Variants in TMEM63B observed in about 807,000 individuals in gnomAD.
TMEM63B encodes the protein mechanosensitive cation channel TMEM63B.
Under a neutral mutation model 102.6 loss-of-function variants are expected in TMEM63B, and 23 were observed. That is an observed-to-expected ratio of 0.22 (90% CI 0.16 to 0.32). The LOEUF (loss-of-function observed/expected upper bound fraction) is 0.32. Among genes scored for constraint, TMEM63B ranks in the 10% least tolerant of loss-of-function variants. The probability of loss-of-function intolerance (pLI) is 1.00; values close to 1 mark genes in which losing one functional copy is unlikely to be tolerated. For missense variants in TMEM63B, 628 were observed against 1,095.9 expected (o/e 0.57, Z 6.03); for synonymous variants, 444 against 437.0 (o/e 1.02, Z -0.20).
At chr6:44,138,718 CTCTGTGA>C in intron 6 of TMEM63B, 1 of 513,572 alleles carries the variant, frequency 1.9e-6, no homozygotes, top group Non-Finnish European at 3.5e-6. Context: ...CCATAATCTC[CTCTGTGA>C]CCCCCTGCCG....
chr6:44,150,157 G>C lies in TMEM63B; in HGVS notation c.1521-67G>C. On this transcript the variant is annotated intron_variant, in intron 16 of 23. Transcript: ENST00000323267. The surrounding 1 kb of genome is among the most constrained non-coding windows in gnomAD (Gnocchi z 4.7). Reference sequence around the variant, plus strand: ...GGGACACTCCTTGGACATTGTCCTTGTTGGGGGAGCAAGTCTGGGGCCTGG... The same window carrying C: ...GGGACACTCCTTGGACATTGTCCTTCTTGGGGGAGCAAGTCTGGGGCCTGG... The C allele has an allele frequency of 1.3e-6, 2 of 1,522,234 alleles. No individual in the cohort carries two copies. The highest frequency in any genetic ancestry group is 1.7e-4 in the Middle Eastern group (1 of 5,920). The allele number at this position is 1,522,234 out of a possible 1,614,324, so 94.3% of individuals were successfully genotyped here.
chr6:44,153,974 G>C, intron 21 of TMEM63B, 99 bp from the exon 22 acceptor site: 2 of 1,553,754 alleles, frequency 1.3e-6, no homozygotes, highest in Non-Finnish European at 1.8e-6. Context: ...CCAGTCTGTA[G>C]CACCTGGGAG....
At position 44,147,514 on chromosome 6, in the gene TMEM63B, T is replaced by C; in HGVS notation, c.987+14T>C. On this transcript the variant is annotated intron_variant, in intron 12 of 23. Coordinates refer to ENST00000323267, the MANE Select transcript of TMEM63B (RefSeq NM_018426.3). ...GGCTGTGAGCAGGTATGACGCGGGC[T>C]GGCTGTTGAGTCGGGAGAAGTTGGA... The C allele has an allele frequency of 1.2e-6, 2 of 1,613,776 alleles. No homozygotes were observed. Among genetic ancestry groups the C allele is most frequent in the Non-Finnish European group, 1.7e-6 (2 of 1,179,778 alleles).
In TMEM63B at chr6:44,148,181, C is replaced by T. The variant is rs569162961; in HGVS notation, c.988-71C>T. The T allele has an allele frequency of 1.2e-4, 190 of 1,588,486 alleles. 1 individual carries two copies. The South Asian group carries it at 1.6e-3, about 13-fold the overall frequency. On this transcript the variant is annotated intron_variant, in intron 12 of 23. Transcript: ENST00000323267. This position sits in a 1 kb window ranked among gnomAD's most constrained non-coding sequence, Gnocchi z 5.1. Reference sequence around the variant, plus strand: ...TGGCTTGTAGGAAGCCCCAAGTCAGCGTGGGCTGGATGCTGCAGGCCCCAG... The same window carrying T: ...TGGCTTGTAGGAAGCCCCAAGTCAGTGTGGGCTGGATGCTGCAGGCCCCAG...
rs1336041101 is a variant in TMEM63B, at chr6:44,139,498, G to A, written c.439G>A (p.Asp147Asn). The A allele has an allele frequency of 6.2e-7, 1 of 1,614,208 alleles. No individual in the cohort carries two copies. The highest frequency in any genetic ancestry group is 8.5e-7 in the Non-Finnish European group (1 of 1,180,030). ...DDEIRDKCGG[D>N]AVHYLSFQRH... ...TGAGATCCGGGACAAATGTGGGGGC[G>A]ATGCCGTGCACTACCTGTCCTTTCA... Residue 147 changes from aspartate to asparagine, a missense_variant, in exon 7 of 24, where the codon GAT (aspartate) becomes AAT (asparagine). Physicochemically the swap from Asp to Asn is conservative, Grantham distance 23. This residue lies in a region of TMEM63B where 336 missense variants were observed against 580.3 expected (regional missense o/e 0.58). Coordinates refer to ENST00000323267, the MANE Select transcript of TMEM63B (RefSeq NM_018426.3).
chr6:44,140,510 AC>A, intron 9 of TMEM63B, 150 bp downstream of exon 9: 1 of 703,216 alleles, frequency 1.4e-6, no homozygotes, highest in South Asian at 1.5e-5. Flanking sequence ...AAGTTACATA[AC>A]CTCCCAAGCC....
chr6:44,147,852 G>A (rs951066850), intron 12 of TMEM63B, among the ~76,000 whole-genome samples: 19 of 152,278 alleles, frequency 1.2e-4, no homozygotes, highest in African/African-American at 3.6e-4. Context: ...TGCTGGGTGC[G>A]GTGGCATATG....
chr6:44,152,541 T>A lies in TMEM63B; in HGVS notation c.1837-52T>A. 1.7e-6 allele frequency: 2 copies of A among 1,146,330 alleles called. No individual in the cohort carries two copies. The highest frequency in any genetic ancestry group is 1.3e-6 in the Non-Finnish European group (1 of 774,574). The allele number at this position is 1,146,330 out of a possible 1,614,324, so 71.0% of individuals were successfully genotyped here. A position where few individuals can be genotyped will look rare whatever the true frequency, so the allele number is the denominator to read the frequency against. On this transcript the variant is annotated intron_variant, in intron 19 of 23. Coordinates refer to ENST00000323267, the MANE Select transcript of TMEM63B (RefSeq NM_018426.3). The surrounding 1 kb of genome is among the most constrained non-coding windows in gnomAD (Gnocchi z 6.4). ...TTCCCCCTCCCTCCTTCCCTGCCCCTCTGGTCAGTCCCTGCCTCCCTGAGC... is the reference window on the plus strand; with the variant it reads ...TTCCCCCTCCCTCCTTCCCTGCCCCACTGGTCAGTCCCTGCCTCCCTGAGC...
chr6:44,147,051 C>T (rs575631039), intron 11 of TMEM63B, 124 bp downstream of exon 11: 12 of 1,074,306 alleles, frequency 1.1e-5, no homozygotes, highest in Middle Eastern at 2.9e-4. Context: ...TAATTCAACT[C>T]GTTGGTGTGC....
At position 44,146,884 on chromosome 6, in the gene TMEM63B, C is replaced by T; in HGVS notation, c.820C>T (p.Pro274Ser). 3 of 1,614,112 alleles carry T rather than the reference C, an allele frequency of 1.9e-6. No homozygotes were observed. The highest frequency in any genetic ancestry group is 2.5e-6 in the Non-Finnish European group (3 of 1,179,994). ...YPNCTVLEARPCYNVARLMFL... is the reference protein window; with the variant it reads ...YPNCTVLEARSCYNVARLMFL... ...CAACTGCACAGTTCTCGAAGCCCGC[C>T]CGTGTTACAACGTGGCTCGCCTAAT... The change falls in exon 11 of 24, where the codon CCG becomes TCG. Residue 274 changes from proline to serine, a missense_variant. By Grantham distance (74) the Pro-to-Ser change is moderately conservative (BLOSUM62 -1). Coordinates refer to ENST00000323267, the MANE Select transcript of TMEM63B (RefSeq NM_018426.3).
chr6:44,147,052 G>T (rs1304648048), intron 11 of TMEM63B, 125 bp downstream of exon 11: 2 of 1,077,300 alleles, frequency 1.9e-6, no homozygotes, highest in South Asian at 1.3e-5. Context: ...AATTCAACTC[G>T]TTGGTGTGCC....
At position 44,138,736 on chromosome 6, in the gene TMEM63B, G is replaced by GTCCCCCCCCCCCC. The variant is rs567563400; in HGVS notation, c.407+219_407+220insTCCCCCCCCCCCC. ...TAATCTCCTCTGTGACCCCCTGCCGGCCCCCCCGCTTCTCTCCCTGCCCTG... is the reference window on the plus strand; with the variant it reads ...TAATCTCCTCTGTGACCCCCTGCCGGTCCCCCCCCCCCCCCCCCCCGCTTCTCTCCCTGCCCTG... On this transcript the variant is annotated intron_variant, in intron 6 of 23. Transcript: ENST00000323267. 3.5e-4 allele frequency: 101 copies of GTCCCCCCCCCCCC among 288,400 alleles called. 4 individuals carry two copies. The highest frequency in any genetic ancestry group is 4.6e-4 in the Admixed American group (9 of 19,754). The allele number at this position is 288,400 out of a possible 1,614,324, so 17.9% of individuals were successfully genotyped here. A position where few individuals can be genotyped will look rare whatever the true frequency, so the allele number is the denominator to read the frequency against.
chr6:44,154,915 G>GCCCCA lies in TMEM63B; in HGVS notation c.*42_*46dup. 6.8e-7 allele frequency: 1 copy of GCCCCA among 1,480,376 alleles called. No individual in the cohort carries two copies. The highest frequency in any genetic ancestry group is 9.0e-7 in the Non-Finnish European group (1 of 1,114,732). 91.7% of individuals were successfully genotyped at this position (1,480,376 alleles called of 1,614,324 possible). On this transcript the variant is annotated 3_prime_UTR_variant, in exon 24 of 24. Transcript: ENST00000323267. The stretch of plus-strand genomic sequence containing the variant: ...GGAGGGGCCCTGGAGGCCACATCCT[G>GCCCCA]CCCCACCCCACCCCCACTCCCACGG...
chr6:44,134,441 A>T, intron 1 of TMEM63B, 120 bp from the exon 2 acceptor site: 1 of 1,027,076 alleles, frequency 9.7e-7, no homozygotes, highest in Non-Finnish European at 1.4e-6. Context: ...CAGAGGCCAG[A>T]GCTTCCATCC....
intron 10 of TMEM63B, among the ~76,000 whole-genome samples, chr6:44,141,355 G>A (rs1582793143): frequency 6.6e-6 from 1 of 152,284 alleles, no homozygotes; most frequent in East Asian, 1.9e-4. Flanking sequence ...ACCTCCTCCT[G>A]GCTCAGACTG....
At chr6:44,129,365 C>CAAAAAAAAAAAAAAAAAAAAAAA (rs11331641) in intron 1 of TMEM63B, among the ~76,000 whole-genome samples, 1 of 103,156 alleles carries the variant, frequency 9.7e-6, no homozygotes, top group African/African-American at 3.7e-5. Flanking sequence ...AAGACTGTCT[C>CAAAAAAAAAAAAAAAAAAAAAAA]AAAAAAAAAA....
In TMEM63B at chr6:44,154,931, AC is replaced by A; in HGVS notation, c.*49del. On this transcript the variant is annotated 3_prime_UTR_variant, in exon 24 of 24. Transcript: ENST00000323267. ...CCACATCCTGCCCCACCCCACCCCC[AC>A]TCCCACGGACACTAAAACGCTAATA... is the stretch of plus-strand genomic sequence containing the variant. 1 of 1,414,016 alleles carries A rather than the reference AC, an allele frequency of 7.1e-7. No individual in the cohort carries two copies. The highest frequency in any genetic ancestry group is 9.3e-7 in the Non-Finnish European group (1 of 1,073,060). The allele number at this position is 1,414,016 out of a possible 1,614,324, so 87.6% of individuals were successfully genotyped here.
chr6:44,135,275 TC>T, intron 3 of TMEM63B, 52 bp from the exon 4 acceptor site: 1 of 1,592,448 alleles, frequency 6.3e-7, no homozygotes, highest in Non-Finnish European at 8.6e-7. Flanking sequence ...TCCTCACCTG[TC>T]CCCAGGGACT....
rs750516503 is a variant in TMEM63B, at chr6:44,154,769, G to A, written c.2385G>A (p.Glu795=). 35 of 1,608,344 alleles carry A rather than the reference G, an allele frequency of 2.2e-5. No individual in the cohort carries two copies. The highest frequency in any genetic ancestry group is 2.6e-5 in the Non-Finnish European group (31 of 1,178,300). Residue 795 remains glutamate (E), a synonymous_variant, in exon 24 of 24, where the codon GAG becomes GAA. Transcript: ENST00000323267. ...GGGCTCCTGGGAGCTCAGGGGATGAGCCCCCATCATCCTCATCCCAAGATG... is the reference window on the plus strand; with the variant it reads ...GGGCTCCTGGGAGCTCAGGGGATGAACCCCCATCATCCTCATCCCAAGATG... ...GDGAPGSSGD[E]PPSSSSQDEE... is the part of the protein sequence containing the mutation.
Sources: allele counts gnomAD v4.1 joint callset (sites outside exome capture counted in the v4.1 genomes callset), GRCh38; gene constraint gnomAD v4.1.1; regional missense constraint gnomAD v4.1.1; non-coding constraint Gnocchi (gnomAD v3.1); transcripts MANE v1.5; gene names NCBI Gene and HGNC (gene_info 2026-07-23, HGNC 2026-07-21).